Variants in NRXN1 observed in about 807,000 individuals in gnomAD.
The protein encoded by NRXN1 is neurexin-1.
NRXN1 carries 39 observed loss-of-function variants against 150.9 expected under a neutral mutation model. The observed-to-expected ratio is 0.26, with a 90% CI of 0.20 to 0.34. The LOEUF is 0.34. Among genes scored for constraint, NRXN1 ranks in the 10% least tolerant of loss-of-function variants. The probability of loss-of-function intolerance (pLI) is 1.00; values close to 1 mark genes in which losing one functional copy is unlikely to be tolerated. For synonymous variants in NRXN1, 924 were observed against 757.0 expected (o/e 1.22, Z -3.62); for missense variants, 1,815 against 1,949.9 (o/e 0.93, Z 1.30).
In NRXN1 at chr2:50,447,740, TATATATATATATATATATATA is replaced by T. The variant is rs2086572083; in HGVS notation, c.3364+17681_3364+17701del. Among the ~76,000 whole-genome samples, 25 of 81,136 alleles carry T rather than the reference TATATATATATATATATATATA, an allele frequency of 3.1e-4. 1 individual carries two copies. Among genetic ancestry groups the T allele is most frequent in the East Asian group, 2.0e-3 (6 of 2,970 alleles). The allele number at this position is 81,136 out of a possible 152,430, so 53.2% of individuals were successfully genotyped here. A position where few individuals can be genotyped will look rare whatever the true frequency, so the allele number is the denominator to read the frequency against. On this transcript the variant is annotated intron_variant, in intron 17 of 22. Coordinates refer to ENST00000401669, the MANE Select transcript of NRXN1 (RefSeq NM_001330078.2). ...TCACATAGTAAGCAGGGGAACGTTA[TATATATATATATATATATATA>T]TATATATATATATATATACCTAATT...
At chr2:50,134,574 G>A (rs879265782) in intron 18 of NRXN1, among the ~76,000 whole-genome samples, 3 of 152,044 alleles carry the variant, frequency 2.0e-5, no homozygotes, top group South Asian at 2.1e-4. Flanking sequence ...CAAAAGAACC[G>A]ATCACAGAAG....
At chr2:50,325,472 T>G (rs1050564620) in intron 17 of NRXN1, among the ~76,000 whole-genome samples, 2 of 152,176 alleles carry the variant, frequency 1.3e-5, no homozygotes, top group African/African-American at 4.8e-5. Flanking sequence ...TGACAAGCAG[T>G]TTACATATCC....
At chr2:50,594,979 T>C (rs1394359347) in intron 8 of NRXN1, among the ~76,000 whole-genome samples, 1 of 148,350 alleles carries the variant, frequency 6.7e-6, no homozygotes, top group Non-Finnish European at 1.5e-5. Flanking sequence ...CTAAAATGAA[T>C]AAGAGTTGAC....
At chr2:50,795,172 A>T (rs965202580) in intron 5 of NRXN1, among the ~76,000 whole-genome samples, 1 of 152,110 alleles carries the variant, frequency 6.6e-6, no homozygotes, top group Non-Finnish European at 1.5e-5. Flanking sequence ...ACTGAGCATC[A>T]GGAGTTTTTT....
intron 2 of NRXN1, among the ~76,000 whole-genome samples, chr2:50,953,695 G>T (rs986523906): frequency 6.6e-6 from 1 of 151,718 alleles, no homozygotes; most frequent in Non-Finnish European, 1.5e-5. Context: ...CCCAATAGCT[G>T]TGATTATAAG....
intron 5 of NRXN1, among the ~76,000 whole-genome samples, chr2:50,807,862 T>C (rs1026327194): frequency 3.3e-5 from 5 of 152,174 alleles, no homozygotes; most frequent in African/African-American, 1.2e-4. Context: ...GTAGATACAA[T>C]TGTCACCTGT....
intron 17 of NRXN1, among the ~76,000 whole-genome samples, chr2:50,264,367 C>G (rs1479003785): frequency 6.6e-6 from 1 of 152,038 alleles, no homozygotes; most frequent in Non-Finnish European, 1.5e-5. Context: ...TCCAAGGAGA[C>G]TAGCCATTCA....
At chr2:50,220,341 G>C (rs2063790563) in intron 18 of NRXN1, among the ~76,000 whole-genome samples, 1 of 151,782 alleles carries the variant, frequency 6.6e-6, no homozygotes, top group African/African-American at 2.4e-5. Flanking sequence ...CTTGATGTTG[G>C]GAAAAGACTA....
intron 16 of NRXN1, among the ~76,000 whole-genome samples, chr2:50,470,799 T>C (rs958371977): frequency 6.6e-6 from 1 of 151,758 alleles, no homozygotes; most frequent in Non-Finnish European, 1.5e-5. Flanking sequence ...TTTGCTCAAA[T>C]AATCTGAGGT....
intron 5 of NRXN1, among the ~76,000 whole-genome samples, chr2:50,700,598 T>A (rs1693596695): frequency 6.6e-6 from 1 of 152,198 alleles, no homozygotes; most frequent in Non-Finnish European, 1.5e-5. Context: ...CTTGGAATCT[T>A]TCTATAGCAT....
intron 19 of NRXN1, among the ~76,000 whole-genome samples, chr2:50,069,047 C>A (rs750818741): frequency 2.2e-4 from 33 of 152,158 alleles, no homozygotes; most frequent in Non-Finnish European, 4.0e-4. Flanking sequence ...AAGCCAACAG[C>A]CCCTGCCCTG....
At chr2:50,657,126 C>T (rs1211533846) in intron 5 of NRXN1, among the ~76,000 whole-genome samples, 2 of 151,948 alleles carry the variant, frequency 1.3e-5, no homozygotes, top group African/African-American at 4.8e-5. Context: ...TAACTCTATA[C>T]AATCTGGTCC....
chr2:50,249,588 C>T (rs903199418), intron 17 of NRXN1, among the ~76,000 whole-genome samples: 3 of 151,592 alleles, frequency 2.0e-5, no homozygotes, highest in Admixed American at 6.6e-5. Context: ...CTCTGAAATC[C>T]AGCTTTTTCT....
intron 5 of NRXN1, among the ~76,000 whole-genome samples, chr2:50,897,993 A>G (rs1447593474): frequency 6.6e-6 from 1 of 152,224 alleles, no homozygotes; most frequent in Non-Finnish European, 1.5e-5. Context: ...ATCTTCCACT[A>G]TAGTTTGAAC....
At chr2:50,487,949 T>C (rs1407145395) in intron 15 of NRXN1, among the ~76,000 whole-genome samples, 1 of 152,194 alleles carries the variant, frequency 6.6e-6, no homozygotes, top group Non-Finnish European at 1.5e-5. Context: ...TGCTACCTCA[T>C]GTACTCCCTA....
At chr2:50,074,846 T>C (rs1262098285) in intron 19 of NRXN1, among the ~76,000 whole-genome samples, 3 of 152,216 alleles carry the variant, frequency 2.0e-5, no homozygotes, top group African/African-American at 7.2e-5. Context: ...ACAATGGAGC[T>C]TCTCATTTTG....
chr2:50,685,026 T>C (rs937925523), intron 5 of NRXN1, among the ~76,000 whole-genome samples: 1 of 152,224 alleles, frequency 6.6e-6, no homozygotes, highest in Non-Finnish European at 1.5e-5. Context: ...TCAGTTGTTT[T>C]TCATAATATG....
At chr2:50,980,994 T>C (rs912487963) in intron 2 of NRXN1, among the ~76,000 whole-genome samples, 2 of 152,218 alleles carry the variant, frequency 1.3e-5, no homozygotes, top group Admixed American at 6.6e-5. Context: ...AGAGCTACTA[T>C]GGCATTAAAA....
chr2:50,921,959 T>C (rs577208022), intron 4 of NRXN1, 79 bp from the exon 5 acceptor site: 12 of 764,776 alleles, frequency 1.6e-5, no homozygotes, highest in African/African-American at 1.4e-4. Context: ...CAACAATAAG[T>C]ATTATGAACA....
Sources: gnomAD v4.1 joint callset for allele counts (sites outside exome capture counted in the v4.1 genomes callset) on GRCh38, gnomAD v4.1.1 for gene constraint, MANE v1.5 for transcripts, NCBI Gene and HGNC (gene_info 2026-07-23, HGNC 2026-07-21) for gene names.